BUB1B: variants seen among roughly 807,000 people sequenced by gnomAD.
BUB1B encodes the protein BUB1 mitotic checkpoint serine/threonine kinase B.
In BUB1B, 86 loss-of-function variants were observed where a neutral mutation model predicts 137.7. That is an observed-to-expected ratio of 0.62 (90% confidence interval 0.52 to 0.75). BUB1B has a LOEUF of 0.75. Among genes scored for constraint, BUB1B ranks in the 30% least tolerant of loss-of-function variants. The pLI, the probability that BUB1B is intolerant of heterozygous loss-of-function variation, is 0.00. For missense variants in BUB1B, 1,130 were observed against 1,236.9 expected, an observed-to-expected ratio of 0.91 and a Z score of 1.30; for synonymous variants, 420 against 417.9, an observed-to-expected ratio of 1.00 and a Z score of -0.06.
chr15:40,182,745 T>C (rs893408302), intron 5 of BUB1B, among the ~76,000 whole-genome samples: 1 of 152,246 alleles, frequency 6.6e-6, no homozygotes, highest in African/African-American at 2.4e-5. Flanking sequence ...TCTTTGGCCT[T>C]CAGAGTCCTC....
chr15:40,180,736 G>A (rs1326225445), intron 5 of BUB1B, among the ~76,000 whole-genome samples: 2 of 124,340 alleles, frequency 1.6e-5, no homozygotes, highest in Admixed American at 1.1e-4. Flanking sequence ...TGCAAGCTCC[G>A]CCTCCTGGGA....
At chr15:40,218,602 T>A (rs1307915975) in intron 22 of BUB1B, 40 bp downstream of exon 22, 2 of 1,456,980 alleles carry the variant, frequency 1.4e-6, no homozygotes, top group African/African-American at 1.4e-5. Flanking sequence ...CCTGTCCCAA[T>A]AATTTTCTGT....
rs530312102 is a variant in BUB1B, at chr15:40,211,108, T to G, written c.2385+898T>G. Among the ~76,000 whole-genome samples, 8 of 152,290 alleles carry G rather than the reference T, an allele frequency of 5.3e-5. No individual in the cohort carries two copies. In the East Asian group the frequency reaches 1.5e-3, roughly 29 times the overall value. ...TCTTTGGACAGAACCTCTAAAAATT[T>G]AACTTTTTTTCTCCTATATTCTCTC... On this transcript the variant is annotated intron_variant, in intron 18 of 22. Transcript: ENST00000287598.
intron 14 of BUB1B, among the ~76,000 whole-genome samples, chr15:40,204,440 C>CG (rs534785890): frequency 1.4e-5 from 2 of 143,806 alleles, no homozygotes; most frequent in Admixed American, 6.9e-5. Context: ...CTTCATTTAC[C>CG]TTTTTTTTTT....
At chr15:40,162,127 A>G (rs748959354) in intron 1 of BUB1B, among the ~76,000 whole-genome samples, 6 of 152,226 alleles carry the variant, frequency 3.9e-5, no homozygotes, top group Non-Finnish European at 8.8e-5. Flanking sequence ...TAACTTGAAC[A>G]CTGGAGTCTC....
At chr15:40,196,797 A>G (rs2037504250) in intron 9 of BUB1B, 23 bp downstream of exon 9, 2 of 1,605,934 alleles carry the variant, frequency 1.2e-6, no homozygotes, top group South Asian at 2.2e-5. Flanking sequence ...CAAGTTTGTG[A>G]AGAGGACTTA....
At chr15:40,195,889 C>T (rs985953467) in intron 8 of BUB1B, among the ~76,000 whole-genome samples, 6 of 152,122 alleles carry the variant, frequency 3.9e-5, no homozygotes, top group South Asian at 2.1e-4. Flanking sequence ...AGTCCTTTGT[C>T]GGATGCATAG....
chr15:40,172,273 G>A (rs1462068545), intron 4 of BUB1B, among the ~76,000 whole-genome samples: 2 of 151,896 alleles, frequency 1.3e-5, no homozygotes, highest in African/African-American at 2.4e-5. Flanking sequence ...GTCTTAAGGA[G>A]GACTGATTTT....
At position 40,185,555 on chromosome 15, in the gene BUB1B, G is replaced by A. The variant is rs777880062; in HGVS notation, c.971G>A (p.Arg324His). Residue 324 changes from arginine (R) to histidine (H), a missense_variant, in exon 8 of 23, where the codon CGT (arginine) becomes CAT (histidine). Transcript: ENST00000287598. ...AGTTTTCTTCTTCATCTCCAGCCTC[G>A]TGGCAATACAGCTTCACTGATAGCT... Reference protein sequence around the residue: ...NTGRSLEHRPRGNTASLIAVP... With the variant: ...NTGRSLEHRPHGNTASLIAVP... 5.0e-6 allele frequency: 8 copies of A among 1,614,034 alleles called. No homozygotes were observed. The highest frequency in any genetic ancestry group is 2.2e-5 in the East Asian group (1 of 44,888).
intron 4 of BUB1B, 117 bp downstream of exon 4, chr15:40,170,798 T>C: frequency 1.0e-6 from 1 of 1,004,090 alleles, no homozygotes; most frequent in Non-Finnish European, 1.5e-6. Context: ...TTTAGTAGAT[T>C]GGAAACATTT....
At chr15:40,219,078 A>T (rs2140912965) in intron 22 of BUB1B, among the ~76,000 whole-genome samples, 1 of 151,978 alleles carries the variant, frequency 6.6e-6, no homozygotes, top group South Asian at 2.1e-4. Flanking sequence ...TGCCTGGCTC[A>T]TTTTTGTATT....
chr15:40,202,283 T>C (rs919035738), intron 12 of BUB1B, 122 bp from the exon 13 acceptor site: 93 of 803,004 alleles, frequency 1.2e-4, no homozygotes, highest in Middle Eastern at 7.2e-4. Context: ...AGCTTTTTGT[T>C]ATTAAAAAAA....
rs529977376 is a variant in BUB1B at position 40,180,202 on chromosome 15, C to T, written c.582-3512C>T. Among the ~76,000 whole-genome samples the T allele has an allele frequency of 2.9e-4, 44 of 149,908 alleles. No individual in the cohort carries two copies. The South Asian group carries it at 8.8e-3, about 30-fold the overall frequency. ...GAATGTCTTCATTTCATCTTCTTTC[C>T]TGAAAAATATTTTTACTGGATATAG... On this transcript the variant is annotated intron_variant, in intron 5 of 22. Transcript: ENST00000287598.
chr15:40,191,270 A>G (rs1393624119), intron 8 of BUB1B, among the ~76,000 whole-genome samples: 1 of 152,206 alleles, frequency 6.6e-6, no homozygotes, highest in Non-Finnish European at 1.5e-5. Context: ...ACCATAGATA[A>G]CTGAAACTGC....
chr15:40,209,957 C>T (rs571380274), intron 17 of BUB1B, among the ~76,000 whole-genome samples, 153 bp from the exon 18 acceptor site: 8 of 152,176 alleles, frequency 5.3e-5, no homozygotes, highest in Non-Finnish European at 8.8e-5. Context: ...GTCTTCTCCT[C>T]TTGCAATCTT....
rs1296073612 is a variant in BUB1B at position 40,213,419 on chromosome 15, A to G, written c.2623A>G (p.Lys875Glu). 1 of 1,614,256 alleles carries G rather than the reference A, an allele frequency of 6.2e-7. No individual in the cohort carries two copies. The highest frequency in any genetic ancestry group is 8.5e-7 in the Non-Finnish European group (1 of 1,180,042). Residue 875 changes from lysine to glutamate, a missense_variant, in exon 20 of 23, where the codon AAA becomes GAA. Coordinates refer to ENST00000287598, the MANE Select transcript of BUB1B (RefSeq NM_001211.6). ...TTTGACAATAGTGGAGATGCTACACAAAGCAGAAATAGTCCATGGTGACTT... is the reference window on the plus strand; with the variant it reads ...TTTGACAATAGTGGAGATGCTACACGAAGCAGAAATAGTCCATGGTGACTT... Reference protein sequence around the residue: ...NLLTIVEMLHKAEIVHGDLSP... With the variant: ...NLLTIVEMLHEAEIVHGDLSP...
chr15:40,164,662 C>CTTTTTTTT (rs1174963610), intron 1 of BUB1B, among the ~76,000 whole-genome samples: 1 of 127,604 alleles, frequency 7.8e-6, no homozygotes. Flanking sequence ...ATTCATTTTT[C>CTTTTTTTT]TTTTTTTTTT....
intron 4 of BUB1B, 147 bp from the exon 5 acceptor site, chr15:40,176,330 C>CT: frequency 1.3e-6 from 1 of 772,016 alleles, no homozygotes; most frequent in Non-Finnish European, 2.2e-6. Context: ...TTTTTAGGTC[C>CT]TCCCAGTATG....
chr15:40,217,637 G>A lies in BUB1B; in HGVS notation c.2820G>A (p.Lys940=), dbSNP rs749583931. 31 of 1,614,074 alleles carry A rather than the reference G, an allele frequency of 1.9e-5. 1 individual carries two copies. The South Asian group carries it at 3.4e-4, about 18-fold the overall frequency. Residue 940 remains lysine, a synonymous_variant, in exon 21 of 23, where the codon AAG becomes AAA. Coordinates refer to ENST00000287598, the MANE Select transcript of BUB1B (RefSeq NM_001211.6). ...CTGTACAGATCCTGGAAGGACAAAA[G>A]ATCCTGGCTAACTGTTCTTCTCCCT... ...FRTVQILEGQ[K]ILANCSSPYQ... is the part of the protein sequence containing the mutation.
Sources: allele counts gnomAD v4.1 joint callset (sites outside exome capture counted in the v4.1 genomes callset), GRCh38; gene constraint gnomAD v4.1.1; transcripts MANE v1.5; gene names NCBI Gene and HGNC (gene_info 2026-07-23, HGNC 2026-07-21).